Variants in RPS3 observed in about 807,000 individuals in gnomAD.
RPS3 encodes small ribosomal subunit protein uS3.
RPS3 carries 2 observed loss-of-function variants against 25.8 expected under a neutral mutation model. That is an observed-to-expected ratio of 0.08 (90% confidence interval 0.03 to 0.24). RPS3 has a LOEUF of 0.24. Among genes scored for constraint, RPS3 ranks in the 10% least tolerant of loss-of-function variants. The pLI, the probability that RPS3 is intolerant of heterozygous loss-of-function variation, is 1.00. For missense variants in RPS3, 107 were observed against 307.1 expected (o/e 0.35, Z 4.87); for synonymous variants, 114 against 114.2 (o/e 1.00, Z 0.01).
At chr11:75,421,819 G>T (rs566619808) in exon 7 of RPS3, 1 of 152,354 alleles carries the variant, frequency 6.6e-6, no homozygotes, top group African/African-American at 2.4e-5. Flanking sequence ...CTTTGTCTGG[G>T]ATGAGTGTGG....
downstream of RPS3, among the ~76,000 whole-genome samples, chr11:75,410,298 C>T (rs1316317112): frequency 1.3e-5 from 2 of 151,588 alleles, no homozygotes; most frequent in Admixed American, 6.5e-5. Flanking sequence ...CAGAGGGTTT[C>T]CTCACTTCTC....
intron 4 of RPS3, chr11:75,403,639 TGTG>T (rs1168483989): frequency 6.1e-6 from 1 of 163,144 alleles, no homozygotes; most frequent in African/African-American, 2.4e-5. Flanking sequence ...GGAGTGTAAA[TGTG>T]GTTCTCAGTT....
chr11:75,418,278 ATTC>A (rs1306004841), intron 6 of RPS3, among the ~76,000 whole-genome samples: 1 of 151,748 alleles, frequency 6.6e-6, no homozygotes, highest in Non-Finnish European at 1.5e-5. Flanking sequence ...CAGTGTCCTA[ATTC>A]TTACTTTGTT....
In RPS3 at chr11:75,404,927, G is replaced by T; in HGVS notation, c.*3+59G>T. 7 of 1,124,484 alleles carry T rather than the reference G, an allele frequency of 6.2e-6. No individual in the cohort carries two copies. The highest frequency in any genetic ancestry group is 3.8e-6 in the Non-Finnish European group (3 of 794,654). The allele number at this position is 1,124,484 out of a possible 1,614,324, so 69.7% of individuals were successfully genotyped here. ...TAATAGGGTCCTTCCGAGTCTTTCT[G>T]TTAATACTTGTATCCCACATTCTGG... On this transcript the variant is annotated intron_variant, in intron 6 of 6. Coordinates refer to ENST00000531188, the MANE Select transcript of RPS3 (RefSeq NM_001005.5). The surrounding 1 kb of genome is among the most constrained non-coding windows in gnomAD (Gnocchi z 4.6).
chr11:75,404,534 A>G lies in RPS3; in HGVS notation c.539-138A>G. On this transcript the variant is annotated intron_variant, in intron 5 of 6. Transcript: ENST00000531188. This position sits in a 1 kb window ranked among gnomAD's most constrained non-coding sequence, Gnocchi z 4.6. Reference sequence around the variant, plus strand: ...TTCCTTTGGCAGAAGTGTCCTATTTATTGATCGATTTAGAGGCATTTGTCT... The same window carrying G: ...TTCCTTTGGCAGAAGTGTCCTATTTGTTGATCGATTTAGAGGCATTTGTCT... 1 of 873,494 alleles carries G rather than the reference A, an allele frequency of 1.1e-6. No homozygotes were observed. The highest frequency in any genetic ancestry group is 2.0e-6 in the Non-Finnish European group (1 of 504,252). The allele number at this position is 873,494 out of a possible 1,614,324, so 54.1% of individuals were successfully genotyped here.
chr11:75,404,161 T>C lies in RPS3; in HGVS notation c.492T>C (p.Val164=), dbSNP rs755477072. Reference sequence around the variant, plus strand: ...TGATGATCCACAGCGGAGACCCTGTTAACTACTACGTTGACACTGCTGTGC... The same window carrying C: ...TGATGATCCACAGCGGAGACCCTGTCAACTACTACGTTGACACTGCTGTGC... ...DGLMIHSGDP[V]NYYVDTAVRH... The change falls in exon 5 of 7, where the codon GTT becomes GTC. Residue 164 remains valine, a synonymous_variant. Coordinates refer to ENST00000531188, the MANE Select transcript of RPS3 (RefSeq NM_001005.5). This position sits in a 1 kb window ranked among gnomAD's most constrained non-coding sequence, Gnocchi z 4.6. 6.2e-6 allele frequency: 10 copies of C among 1,614,054 alleles called. No individual in the cohort carries two copies. The highest frequency in any genetic ancestry group is 7.6e-6 in the Non-Finnish European group (9 of 1,180,028).
chr11:75,418,049 A>G (rs1948413536), intron 6 of RPS3, among the ~76,000 whole-genome samples: 1 of 152,222 alleles, frequency 6.6e-6, no homozygotes, highest in Admixed American at 6.5e-5. Context: ...CCACCCCTCC[A>G]GGACCACCAG....
chr11:75,419,542 A>G (rs1243068489), intron 6 of RPS3, among the ~76,000 whole-genome samples: 1 of 151,942 alleles, frequency 6.6e-6, no homozygotes, highest in Non-Finnish European at 1.5e-5. Flanking sequence ...CAACAGAGTG[A>G]GACTCCTTCT....
intron 6 of RPS3, 128 bp from the exon 7 acceptor site, chr11:75,405,486 C>G (rs943520646): frequency 5.6e-6 from 2 of 354,674 alleles, no homozygotes; most frequent in Non-Finnish European, 1.1e-5. Context: ...TGAAAAAGGA[C>G]AAACCCTTAT....
At chr11:75,401,895 G>A in intron 3 of RPS3, 162 bp downstream of exon 3, 1 of 598,304 alleles carries the variant, frequency 1.7e-6, no homozygotes. Context: ...AGCCTATTCT[G>A]CTAATGGCTG....
rs1421183248 is a variant in RPS3 at position 75,404,669 on chromosome 11, T to C, written c.539-3T>C. 1.2e-6 allele frequency: 2 copies of C among 1,609,828 alleles called. No homozygotes were observed. The highest frequency in any genetic ancestry group is 2.7e-5 in the African/African-American group (2 of 74,862). On this transcript the variant is annotated splice_polypyrimidine_tract_variant and splice_region_variant and intron_variant, in intron 5 of 6. Transcript: ENST00000531188. This position sits in a 1 kb window ranked among gnomAD's most constrained non-coding sequence, Gnocchi z 4.6. The stretch of plus-strand genomic sequence containing the variant: ...GTGTGCTAACAACTGTGGTGTCCTC[T>C]AGGTGTGCTGGGCATCAAGGTGAAG...
intron 6 of RPS3, among the ~76,000 whole-genome samples, chr11:75,415,962 C>T (rs368796759): frequency 1.3e-4 from 17 of 131,872 alleles, no homozygotes; most frequent in East Asian, 4.2e-4. Context: ...GGTGAGAGAG[C>T]GAGATACTCT....
At chr11:75,418,373 T>G (rs1355920954) in intron 6 of RPS3, among the ~76,000 whole-genome samples, 1 of 152,262 alleles carries the variant, frequency 6.6e-6, no homozygotes, top group Non-Finnish European at 1.5e-5. Context: ...TAAACATTTT[T>G]TAACCGTATT....
intron 4 of RPS3, chr11:75,403,690 A>C (rs1378481185): frequency 3.2e-5 from 6 of 189,114 alleles, no homozygotes; most frequent in Non-Finnish European, 6.5e-5. Context: ...AGCATTTTTA[A>C]ATAGATATTC....
At chr11:75,411,703 A>G (rs1486791303), downstream of RPS3, among the ~76,000 whole-genome samples, 6 of 152,166 alleles carry the variant, frequency 3.9e-5, no homozygotes, top group Admixed American at 1.3e-4. Context: ...AATATGTCTT[A>G]AGTGGGGAGG....
chr11:75,413,413 C>T (rs547023615), intron 6 of RPS3, among the ~76,000 whole-genome samples: 16 of 152,238 alleles, frequency 1.1e-4, no homozygotes, highest in South Asian at 2.1e-4. Flanking sequence ...TCCACCACCA[C>T]GCCCAGCTAA....
At position 75,404,155 on chromosome 11, in the gene RPS3, C is replaced by T. The variant is rs552564357; in HGVS notation, c.486C>T (p.Asp162=). ...ATGGCCTGATGATCCACAGCGGAGACCCTGTTAACTACTACGTTGACACTG... is the reference window on the plus strand; with the variant it reads ...ATGGCCTGATGATCCACAGCGGAGATCCTGTTAACTACTACGTTGACACTG... ...FVDGLMIHSG[D]PVNYYVDTAV... Residue 162 remains aspartate (D), a synonymous_variant, in exon 5 of 7, where the codon GAC becomes GAT. Transcript: ENST00000531188. This position sits in a 1 kb window ranked among gnomAD's most constrained non-coding sequence, Gnocchi z 4.6. 7 of 1,614,118 alleles carry T rather than the reference C, an allele frequency of 4.3e-6. No homozygotes were observed. In the East Asian group the frequency reaches 1.3e-4, roughly 31 times the overall value.
chr11:75,403,867 T>C, intron 4 of RPS3, 153 bp from the exon 5 acceptor site: 1 of 652,446 alleles, frequency 1.5e-6, no homozygotes, highest in Non-Finnish European at 2.6e-6. Flanking sequence ...TTCGGAATGA[T>C]AGGTGTGGAA....
intron 6 of RPS3, among the ~76,000 whole-genome samples, chr11:75,413,731 C>T (rs2135068364): frequency 6.6e-6 from 1 of 152,306 alleles, no homozygotes; most frequent in East Asian, 1.9e-4. Flanking sequence ...AACCTCACCA[C>T]AACAGGATTT....
Sources: gnomAD v4.1 joint callset for allele counts (sites outside exome capture counted in the v4.1 genomes callset) on GRCh38, gnomAD v4.1.1 for gene constraint, Gnocchi (gnomAD v3.1) non-coding constraint, MANE v1.5 for transcripts, NCBI Gene and HGNC (gene_info 2026-07-23, HGNC 2026-07-21) for gene names.